The following FRS2 variants were observed in gnomAD, a reference collection of about 807,000 sequenced individuals.
The protein encoded by FRS2 is FGFR signalling adaptor.
Under a neutral mutation model 43.9 loss-of-function variants are expected in FRS2, and 8 were observed. The ratio of observed to expected loss-of-function variants is 0.18; its 90% confidence interval spans 0.11 to 0.33. The LOEUF is 0.33. Among genes scored for constraint, FRS2 ranks in the 10% least tolerant of loss-of-function variants. The probability of loss-of-function intolerance (pLI) is 1.00; values close to 1 mark genes in which losing one functional copy is unlikely to be tolerated. For synonymous variants in FRS2, 219 were observed against 220.3 expected, an observed-to-expected ratio of 0.99 and a Z score of 0.05; for missense variants, 534 against 627.6, an observed-to-expected ratio of 0.85 and a Z score of 1.59.
chr12:69,538,205 A>ATG (rs1877512658), intron 3 of FRS2, among the ~76,000 whole-genome samples: 1 of 60,510 alleles, frequency 1.7e-5, no homozygotes, highest in South Asian at 5.6e-4. Context: ...TTTTATATAT[A>ATG]TATATATATA....
At position 69,574,806 on chromosome 12, in the gene FRS2, C is replaced by G; in HGVS notation, c.1378C>G (p.Leu460Val). Residue 460 changes from leucine (L) to valine (V), a missense_variant, in exon 9 of 9, where the codon CTT (leucine) becomes GTT (valine). Physicochemically the swap from Leu to Val is conservative, Grantham distance 32 (BLOSUM62 1). Around this residue, in one of 3 missense-constraint regions of FRS2, gnomAD observed 446 missense variants for 494.2 expected, o/e 0.90. Transcript: ENST00000549921. Reference protein sequence around the residue: ...PQTPKTPTTPLPQTPTRRTEL... With the variant: ...PQTPKTPTTPVPQTPTRRTEL... ...GACTCCAAAAACGCCTACAACTCCC[C>G]TTCCACAAACCCCTACCAGGCGCAC... 1 of 1,614,136 alleles carries G rather than the reference C, an allele frequency of 6.2e-7. No homozygotes were observed. The highest frequency in any genetic ancestry group is 8.5e-7 in the Non-Finnish European group (1 of 1,180,020).
At chr12:69,522,190 T>TGTGTGTGTG in intron 1 of FRS2, among the ~76,000 whole-genome samples, 1 of 134,822 alleles carries the variant, frequency 7.4e-6, no homozygotes, top group South Asian at 2.5e-4. Flanking sequence ...GAAGTTTTCT[T>TGTGTGTGTG]TGTGTGTGTG....
intron 1 of FRS2, among the ~76,000 whole-genome samples, chr12:69,483,560 C>A (rs1172662340): frequency 1.3e-5 from 2 of 151,980 alleles, no homozygotes; most frequent in Admixed American, 6.6e-5. Context: ...TAGCCTTTTT[C>A]ATATACATCT....
At chr12:69,520,755 C>G (rs1211891713) in intron 1 of FRS2, among the ~76,000 whole-genome samples, 1 of 151,778 alleles carries the variant, frequency 6.6e-6, no homozygotes. Context: ...TTTGCTTTAT[C>G]TTCTGTTCTA....
rs1316739090 is a variant in FRS2, at chr12:69,574,519, T to C, written c.1091T>C (p.Leu364Pro). 1 of 1,614,106 alleles carries C rather than the reference T, an allele frequency of 6.2e-7. No individual in the cohort carries two copies. Among genetic ancestry groups the C allele is most frequent in the Non-Finnish European group, 8.5e-7 (1 of 1,180,026 alleles). ...CCTCCTGTTTGGGAAGCCCGCAAGC[T>C]AAGTAGGGATGAAGATGACAATTTA... ...SLPPVWEARK[L>P]SRDEDDNLGP... is the part of the protein sequence containing the mutation. The change falls in exon 9 of 9, where the codon CTA becomes CCA. Residue 364 changes from leucine to proline, a missense_variant. Around this residue, in one of 3 missense-constraint regions of FRS2, gnomAD observed 446 missense variants for 494.2 expected, o/e 0.90. Transcript: ENST00000549921.
intron 1 of FRS2, among the ~76,000 whole-genome samples, chr12:69,517,067 C>A (rs994120957): frequency 1.6e-4 from 24 of 152,272 alleles, no homozygotes; most frequent in Admixed American, 1.2e-3. Context: ...AACACAGGCA[C>A]ACAACACACA....
In FRS2 at chr12:69,532,680, CACA is replaced by C. The variant is rs530265685; in HGVS notation, c.-122+625_-122+627del. Among the ~76,000 whole-genome samples, 993 of 152,256 alleles carry C rather than the reference CACA, an allele frequency of 6.5e-3. 11 individuals carry two copies. The highest frequency in any genetic ancestry group is 0.023 in the African/African-American group (955 of 41,528). ...TTCAGCATCTGAATTTTAGAAGGGA[CACA>C]TTCAAACTATAGCAGGAAGGGAATT... On this transcript the variant is annotated intron_variant, in intron 3 of 8. Transcript: ENST00000549921.
At chr12:69,474,365 G>A (rs998379886) in intron 1 of FRS2, among the ~76,000 whole-genome samples, 2 of 152,066 alleles carry the variant, frequency 1.3e-5, no homozygotes, top group African/African-American at 4.8e-5. Flanking sequence ...AATACAAATA[G>A]GTGTACTGGT....
intron 3 of FRS2, 95 bp downstream of exon 3, chr12:69,532,151 A>G (rs886093928): frequency 6.6e-6 from 1 of 152,274 alleles, no homozygotes; most frequent in Middle Eastern, 3.2e-3. Flanking sequence ...TATTTATTTA[A>G]TATCTTTTCT....
At chr12:69,568,794 CATT>C (rs1880509279) in intron 4 of FRS2, among the ~76,000 whole-genome samples, 1 of 151,964 alleles carries the variant, frequency 6.6e-6, no homozygotes, top group African/African-American at 2.4e-5. Flanking sequence ...ATTTGTTTGA[CATT>C]ATTAATGCCT....
intron 1 of FRS2, among the ~76,000 whole-genome samples, chr12:69,499,223 G>GC (rs951425754): frequency 6.6e-6 from 1 of 152,046 alleles, no homozygotes; most frequent in Non-Finnish European, 1.5e-5. Flanking sequence ...TATTATTCAG[G>GC]CAATTGTGTG....
intron 1 of FRS2, among the ~76,000 whole-genome samples, chr12:69,517,034 C>G (rs1875121625): frequency 6.6e-6 from 1 of 152,116 alleles, no homozygotes; most frequent in African/African-American, 2.4e-5. Flanking sequence ...CACATCTGAC[C>G]TCGTGTCATG....
chr12:69,538,371 G>C (rs1365087368), intron 3 of FRS2, among the ~76,000 whole-genome samples: 2 of 151,394 alleles, frequency 1.3e-5, no homozygotes, highest in Admixed American at 6.6e-5. Flanking sequence ...CGTAAGGTTT[G>C]TATGAGAAAC....
intron 3 of FRS2, among the ~76,000 whole-genome samples, chr12:69,542,083 A>T: frequency 6.6e-6 from 1 of 152,184 alleles, no homozygotes; most frequent in East Asian, 1.9e-4. Flanking sequence ...GCCATATATT[A>T]AGAGCATTTA....
Position 69,579,154 on chromosome 12 carries a change from A to G in FRS2, c.*4199A>G, listed in dbSNP as rs554084547. 7.9e-5 allele frequency: 12 copies of G among 152,768 alleles called. No homozygotes were observed. The highest frequency in any genetic ancestry group is 2.9e-4 in the African/African-American group (12 of 41,580). 9.5% of individuals were successfully genotyped at this position (152,768 alleles called of 1,614,324 possible). On this transcript the variant is annotated 3_prime_UTR_variant, in exon 9 of 9. Coordinates refer to ENST00000549921, the MANE Select transcript of FRS2 (RefSeq NM_001278356.2). ...GTGCCAACTTCATACATTTTGTAGCATGGCAATAAAATATAACTTTTACAC... is the reference window on the plus strand; with the variant it reads ...GTGCCAACTTCATACATTTTGTAGCGTGGCAATAAAATATAACTTTTACAC...
intron 4 of FRS2, among the ~76,000 whole-genome samples, chr12:69,563,328 G>T (rs1880019173): frequency 6.6e-6 from 1 of 152,192 alleles, no homozygotes; most frequent in Non-Finnish European, 1.5e-5. Context: ...GGAATTGGAA[G>T]ATTGGCCACA....
At chr12:69,511,309 T>G in intron 1 of FRS2, among the ~76,000 whole-genome samples, 1 of 152,298 alleles carries the variant, frequency 6.6e-6, no homozygotes, top group East Asian at 1.9e-4. Flanking sequence ...CAAGGGAGAA[T>G]AAGACACAGT....
intron 1 of FRS2, among the ~76,000 whole-genome samples, chr12:69,529,279 T>A (rs1876556905): frequency 1.3e-5 from 2 of 152,146 alleles, no homozygotes; most frequent in African/African-American, 4.8e-5. Flanking sequence ...GAATATCTTT[T>A]GAAACTGGAG....
chr12:69,527,501 T>C (rs1876376920), intron 1 of FRS2, among the ~76,000 whole-genome samples: 1 of 151,994 alleles, frequency 6.6e-6, no homozygotes, highest in African/African-American at 2.4e-5. Flanking sequence ...AATTTTTACA[T>C]AAACAGCCTG....
Sources: allele counts gnomAD v4.1 joint callset (sites outside exome capture counted in the v4.1 genomes callset), GRCh38; gene constraint gnomAD v4.1.1; regional missense constraint gnomAD v4.1.1; transcripts MANE v1.5; gene names NCBI Gene and HGNC (gene_info 2026-07-23, HGNC 2026-07-21).